The following IL21R variants were observed in gnomAD, a reference collection of about 807,000 sequenced individuals.
IL21R encodes interleukin 21 receptor, also known as interleukin-21 receptor.
Under a neutral mutation model 41.3 loss-of-function variants are expected in IL21R, and 14 were observed. The observed-to-expected ratio is 0.34, with a 90% CI of 0.22 to 0.53. IL21R has a LOEUF of 0.53. Among genes scored for constraint, IL21R ranks in the 20% least tolerant of loss-of-function variants. The probability of loss-of-function intolerance (pLI) is 0.94; values close to 1 mark genes in which losing one functional copy is unlikely to be tolerated. For synonymous variants in IL21R, 286 were observed against 287.6 expected (o/e 0.99, Z 0.05); for missense variants, 588 against 681.6 (o/e 0.86, Z 1.53).
chr16:27,444,626 C>T lies in IL21R; in HGVS notation c.592C>T (p.Leu198=). 6.3e-7 allele frequency: 1 copy of T among 1,590,594 alleles called. No homozygotes were observed. The highest frequency in any genetic ancestry group is 8.6e-7 in the Non-Finnish European group (1 of 1,168,518). The change falls in exon 6 of 9, where the codon CTG becomes TTG. Residue 198 remains leucine, a synonymous_variant. Coordinates refer to ENST00000337929, the MANE Select transcript of IL21R (RefSeq NM_181078.3). ...GTTCCGCAAAGACTCGAGCTATGAGCTGCAGGTGCGGGCAGGGCCCATGCC... is the reference window on the plus strand; with the variant it reads ...GTTCCGCAAAGACTCGAGCTATGAGTTGCAGGTGCGGGCAGGGCCCATGCC... ...LEFRKDSSYE[L]QVRAGPMPGS... is the part of the protein sequence containing the mutation.
intron 4 of IL21R, among the ~76,000 whole-genome samples, chr16:27,439,928 C>T (rs1328705740): frequency 6.6e-6 from 1 of 152,128 alleles, no homozygotes; most frequent in Admixed American, 6.5e-5. Flanking sequence ...GGGCAGTTCT[C>T]AGTACCCTGG....
At chr16:27,417,521 C>A (rs531659216) in intron 1 of IL21R, among the ~76,000 whole-genome samples, 29 of 152,170 alleles carry the variant, frequency 1.9e-4, no homozygotes, top group Non-Finnish European at 3.8e-4. Context: ...TGGAAACAGT[C>A]ATACATTGCT....
chr16:27,449,123 A>G lies in IL21R; in HGVS notation c.1457A>G (p.Asp486Gly). The change falls in exon 9 of 9, where the codon GAT (aspartate) becomes GGT (glycine). Residue 486 changes from aspartate to glycine, a missense_variant. Asp to Gly is a moderately conservative substitution (Grantham distance 94, BLOSUM62 -1). Transcript: ENST00000337929. ...SEAGSPLAGL[D>G]MDTFDSGFVG... ...GCGGGCTCACCCCTGGCCGGCCTGGATATGGACACGTTTGACAGTGGCTTT... is the reference window on the plus strand; with the variant it reads ...GCGGGCTCACCCCTGGCCGGCCTGGGTATGGACACGTTTGACAGTGGCTTT... 6.2e-7 allele frequency: 1 copy of G among 1,613,452 alleles called. No individual in the cohort carries two copies. The highest frequency in any genetic ancestry group is 1.7e-5 in the Admixed American group (1 of 60,020).
At chr16:27,404,017 G>T (rs1399407277) in intron 1 of IL21R, among the ~76,000 whole-genome samples, 3 of 152,206 alleles carry the variant, frequency 2.0e-5, no homozygotes, top group African/African-American at 7.2e-5. Context: ...GTAGGACAAG[G>T]CCACCACCTG....
At chr16:27,422,640 G>A (rs140327579) in intron 1 of IL21R, among the ~76,000 whole-genome samples, 3 of 151,934 alleles carry the variant, frequency 2.0e-5, no homozygotes, top group African/African-American at 4.8e-5. Context: ...TTTTAAATAG[G>A]TTCCAAATTT....
chr16:27,409,859 G>C (rs1420336104), intron 1 of IL21R, among the ~76,000 whole-genome samples: 1 of 152,112 alleles, frequency 6.6e-6, no homozygotes, highest in African/African-American at 2.4e-5. Context: ...TTCCACCAAA[G>C]AAAATCTTGC....
At position 27,445,220 on chromosome 16, in the gene IL21R, G is replaced by A. The variant is rs1357042825; in HGVS notation, c.729G>A (p.Leu243=). ...ACCCTCACCTGCTGCTTCTCCTCCTGCTTGTCATAGTCTTCATTCCTGCCT... is the reference window on the plus strand; with the variant it reads ...ACCCTCACCTGCTGCTTCTCCTCCTACTTGTCATAGTCTTCATTCCTGCCT... The part of the protein sequence containing the change: ...GWNPHLLLLL[L]LVIVFIPAFW... The change falls in exon 7 of 9, where the codon CTG becomes CTA. Residue 243 remains leucine (L), a synonymous_variant. Coordinates refer to ENST00000337929, the MANE Select transcript of IL21R (RefSeq NM_181078.3). The A allele has an allele frequency of 4.3e-6, 7 of 1,614,080 alleles. No individual in the cohort carries two copies. Among genetic ancestry groups the A allele is most frequent in the Non-Finnish European group, 5.9e-6 (7 of 1,179,982 alleles).
At chr16:27,423,733 C>T (rs1053343195) in intron 1 of IL21R, among the ~76,000 whole-genome samples, 14 of 152,156 alleles carry the variant, frequency 9.2e-5, no homozygotes, top group East Asian at 5.8e-4. Flanking sequence ...GACAGTATTG[C>T]GATTTATTTT....
At chr16:27,423,923 T>C (rs2087035795) in intron 1 of IL21R, among the ~76,000 whole-genome samples, 1 of 152,220 alleles carries the variant, frequency 6.6e-6, no homozygotes, top group Non-Finnish European at 1.5e-5. Flanking sequence ...ACCAGACCAG[T>C]TGTAATAATT....
At chr16:27,411,035 T>C (rs994959326) in intron 1 of IL21R, among the ~76,000 whole-genome samples, 3 of 152,256 alleles carry the variant, frequency 2.0e-5, no homozygotes, top group African/African-American at 7.2e-5. Context: ...TTCCATTATG[T>C]ATGTACTACA....
At chr16:27,429,648 C>A (rs1486127765) in intron 1 of IL21R, among the ~76,000 whole-genome samples, 2 of 152,070 alleles carry the variant, frequency 1.3e-5, no homozygotes, top group African/African-American at 4.8e-5. Flanking sequence ...GTGGCACGTG[C>A]CTTTGGTCCC....
At chr16:27,444,429 A>G (rs2141309221) in intron 5 of IL21R, 113 bp from the exon 6 acceptor site, 1 of 654,972 alleles carries the variant, frequency 1.5e-6, no homozygotes, top group Non-Finnish European at 2.4e-6. Flanking sequence ...TTGTGGGAAG[A>G]GAAGAGACAC....
chr16:27,440,242 T>G (rs1418545888), intron 4 of IL21R, among the ~76,000 whole-genome samples: 1,609 of 86,898 alleles, frequency 0.019, 20 homozygotes, highest in African/African-American at 0.043. Context: ...TATATATATA[T>G]ATATATAGAG....
chr16:27,413,486 C>T (rs77037785), intron 1 of IL21R, among the ~76,000 whole-genome samples: 2 of 151,508 alleles, frequency 1.3e-5, no homozygotes, highest in African/African-American at 4.8e-5. Context: ...GTGTTCCCTA[C>T]TGTTCAATTT....
In IL21R at chr16:27,448,904, G is replaced by T. The variant is rs1262514620; in HGVS notation, c.1238G>T (p.Gly413Val). The change falls in exon 9 of 9, where the codon GGC becomes GTC. Residue 413 changes from glycine (G) to valine (V), a missense_variant. Coordinates refer to ENST00000337929, the MANE Select transcript of IL21R (RefSeq NM_181078.3). Reference sequence around the variant, plus strand: ...GATGCTGGCCTGGAGCCCAGCCCAGGCCTAGAGGACCCACTCTTGGATGCA... The same window carrying T: ...GATGCTGGCCTGGAGCCCAGCCCAGTCCTAGAGGACCCACTCTTGGATGCA... ...DLDAGLEPSP[G>V]LEDPLLDAGT... is the part of the protein sequence containing the mutation. 6.2e-7 allele frequency: 1 copy of T among 1,611,794 alleles called. No individual in the cohort carries two copies.
intron 2 of IL21R, among the ~76,000 whole-genome samples, chr16:27,433,429 G>A (rs921744303): frequency 7.2e-5 from 11 of 152,222 alleles, no homozygotes; most frequent in South Asian, 6.2e-4. Flanking sequence ...TCGCACCACT[G>A]CATTCCAGCC....
intron 1 of IL21R, among the ~76,000 whole-genome samples, chr16:27,422,577 T>C (rs2087014928): frequency 1.3e-5 from 2 of 152,196 alleles, no homozygotes; most frequent in Non-Finnish European, 2.9e-5. Flanking sequence ...AATCCATCTC[T>C]TCAGTCCTTA....
chr16:27,436,641 T>G lies in IL21R; in HGVS notation c.153-847T>G, dbSNP rs1361905929. Among the ~76,000 whole-genome samples the G allele has an allele frequency of 5.3e-5, 8 of 152,356 alleles. No homozygotes were observed. The East Asian group carries it at 1.5e-3, about 29-fold the overall frequency. On this transcript the variant is annotated intron_variant, in intron 3 of 8. Coordinates refer to ENST00000337929, the MANE Select transcript of IL21R (RefSeq NM_181078.3). ...TACATACTTCAAAACCCATCATTTT[T>G]GTCCAGTGGGAGTTAAAAAGCCACA... is the stretch of plus-strand genomic sequence containing the variant.
chr16:27,414,697 A>G (rs1434054092), intron 1 of IL21R, among the ~76,000 whole-genome samples: 1 of 151,938 alleles, frequency 6.6e-6, no homozygotes, highest in East Asian at 1.9e-4. Flanking sequence ...TTTTCCTATT[A>G]GTTTGTTCAT....
Sources: gnomAD v4.1 joint callset for allele counts (sites outside exome capture counted in the v4.1 genomes callset) on GRCh38, gnomAD v4.1.1 for gene constraint, MANE v1.5 for transcripts, NCBI Gene and HGNC (gene_info 2026-07-23, HGNC 2026-07-21) for gene names.